Variants in KCNIP4 observed in about 807,000 individuals in gnomAD.
KCNIP4 encodes potassium voltage-gated channel interacting protein 4.
A neutral mutation model predicts 34.0 loss-of-function variants in KCNIP4; 12 were observed. The ratio of observed to expected loss-of-function variants is 0.35; its 90% confidence interval spans 0.23 to 0.57. The LOEUF is 0.57. KCNIP4 is among the 20% of genes least tolerant of loss of function. The pLI is 0.83. For missense variants in KCNIP4, 238 were observed against 311.7 expected (o/e 0.76, Z 1.78); for synonymous variants, 124 against 102.2 (o/e 1.21, Z -1.29).
chr4:21,111,086 A>G (rs1237092894), intron 1 of KCNIP4, among the ~76,000 whole-genome samples: 1 of 152,200 alleles, frequency 6.6e-6, no homozygotes, highest in Admixed American at 6.5e-5. Flanking sequence ...TTTCCTTTGA[A>G]AAGAGGTCTG....
chr4:21,570,924 G>A (rs1018446153), intron 1 of KCNIP4, among the ~76,000 whole-genome samples: 2 of 152,124 alleles, frequency 1.3e-5, no homozygotes, highest in Non-Finnish European at 2.9e-5. Context: ...ACATCTTTTG[G>A]TCAAAGTCAT....
At chr4:21,605,891 G>C (rs1042210954) in intron 1 of KCNIP4, among the ~76,000 whole-genome samples, 20 of 152,150 alleles carry the variant, frequency 1.3e-4, no homozygotes, top group African/African-American at 4.8e-4. Flanking sequence ...GGAGTTAGTG[G>C]CTCTGAGTAG....
chr4:21,516,252 T>G (rs1734749117), intron 1 of KCNIP4, among the ~76,000 whole-genome samples: 1 of 152,182 alleles, frequency 6.6e-6, no homozygotes, highest in African/African-American at 2.4e-5. Flanking sequence ...AATACTTGTA[T>G]CTCATGTATA....
At chr4:21,142,431 A>G (rs1029007931) in intron 1 of KCNIP4, among the ~76,000 whole-genome samples, 1 of 152,164 alleles carries the variant, frequency 6.6e-6, no homozygotes, top group African/African-American at 2.4e-5. Context: ...CAGAACTTTT[A>G]TACTCCTGGA....
intron 3 of KCNIP4, among the ~76,000 whole-genome samples, chr4:20,830,032 C>T (rs547682555): frequency 6.6e-6 from 1 of 152,270 alleles, no homozygotes; most frequent in South Asian, 2.1e-4. Context: ...ATCCTCCCTC[C>T]CTCAGTTCTC....
chr4:21,760,365 A>G (rs1717961975), intron 1 of KCNIP4, among the ~76,000 whole-genome samples: 1 of 152,158 alleles, frequency 6.6e-6, no homozygotes, highest in African/African-American at 2.4e-5. Context: ...AAAACGCCCA[A>G]TCCCACGCCT....
intron 1 of KCNIP4, among the ~76,000 whole-genome samples, chr4:21,775,071 C>G (rs1719081759): frequency 6.6e-6 from 1 of 152,142 alleles, no homozygotes; most frequent in Non-Finnish European, 1.5e-5. Flanking sequence ...GATTATTTCT[C>G]ATCTTTGTGA....
chr4:21,255,911 A>C (rs1165184995), intron 1 of KCNIP4, among the ~76,000 whole-genome samples: 1 of 152,166 alleles, frequency 6.6e-6, no homozygotes, highest in African/African-American at 2.4e-5. Flanking sequence ...AGTGCCTATA[A>C]TATGTCAAGC....
chr4:21,685,051 T>C (rs1750702583), intron 1 of KCNIP4, among the ~76,000 whole-genome samples: 1 of 152,180 alleles, frequency 6.6e-6, no homozygotes, highest in Non-Finnish European at 1.5e-5. Flanking sequence ...AGGAGAGTAA[T>C]AAAGCATAAT....
chr4:21,827,687 C>T (rs1722752147), intron 1 of KCNIP4, among the ~76,000 whole-genome samples: 1 of 151,814 alleles, frequency 6.6e-6, no homozygotes, highest in Admixed American at 6.6e-5. Flanking sequence ...AATAAGATAA[C>T]AAGCAAATTC....
chr4:20,892,474 A>G (rs1726024206), intron 1 of KCNIP4, among the ~76,000 whole-genome samples: 1 of 151,058 alleles, frequency 6.6e-6, no homozygotes, highest in Admixed American at 6.6e-5. Flanking sequence ...TCTGTCTCTG[A>G]GTTTCTCTGG....
intron 3 of KCNIP4, among the ~76,000 whole-genome samples, chr4:20,768,069 C>T (rs546066788): frequency 4.6e-5 from 7 of 152,276 alleles, no homozygotes; most frequent in Non-Finnish European, 8.8e-5. Context: ...ATTTAAATGA[C>T]ACAATCCTAC....
chr4:21,817,100 T>G (rs1485227537), intron 1 of KCNIP4, among the ~76,000 whole-genome samples: 1 of 152,108 alleles, frequency 6.6e-6, no homozygotes, highest in Non-Finnish European at 1.5e-5. Context: ...CTTATTATCT[T>G]CATTCCAATT....
At chr4:21,158,742 T>G (rs1002200636) in intron 1 of KCNIP4, among the ~76,000 whole-genome samples, 2 of 152,160 alleles carry the variant, frequency 1.3e-5, no homozygotes, top group South Asian at 4.1e-4. Context: ...TGAGAAGTTA[T>G]CTACTCTTAC....
chr4:20,956,591 A>T (rs1733331453), intron 1 of KCNIP4, among the ~76,000 whole-genome samples: 1 of 152,236 alleles, frequency 6.6e-6, no homozygotes, highest in South Asian at 2.1e-4. Context: ...GGTGATGTTC[A>T]AAAATGTACT....
rs12649419 is a variant in KCNIP4, at chr4:20,729,875, C to A, written c.*207G>T. 1,119 of 476,248 alleles carry A rather than the reference C, an allele frequency of 2.3e-3. 29 individuals are homozygous for A. The South Asian group carries it at 0.033, about 14-fold the overall frequency. 29.5% of individuals were successfully genotyped at this position (476,248 alleles called of 1,614,324 possible). A position where few individuals can be genotyped will look rare whatever the true frequency, so the allele number is the denominator to read the frequency against. ...AGTATGAAATGAGTTAGACCATCCC[C>A]TGAACTCAGTGGCATTATGAAAAGG... On this transcript the variant is annotated 3_prime_UTR_variant, in exon 9 of 9. Transcript: ENST00000382152.
intron 1 of KCNIP4, among the ~76,000 whole-genome samples, chr4:21,088,690 A>G (rs1273249496): frequency 1.3e-5 from 2 of 152,030 alleles, no homozygotes; most frequent in African/African-American, 2.4e-5. Flanking sequence ...CCTTCTTCCT[A>G]TTAACTCCTC....
chr4:20,821,003 G>A (rs1717038612), intron 3 of KCNIP4, among the ~76,000 whole-genome samples: 1 of 152,174 alleles, frequency 6.6e-6, no homozygotes, highest in African/African-American at 2.4e-5. Context: ...GCCTTGGAGA[G>A]CCTCATAGCC....
chr4:20,864,090 G>C (rs1019019228), intron 2 of KCNIP4, among the ~76,000 whole-genome samples: 37 of 139,436 alleles, frequency 2.7e-4, no homozygotes, highest in Middle Eastern at 4.1e-3. Flanking sequence ...GTATGTATAT[G>C]CATGTATACG....
Sources: gnomAD v4.1 joint callset for allele counts (sites outside exome capture counted in the v4.1 genomes callset) on GRCh38, gnomAD v4.1.1 for gene constraint, MANE v1.5 for transcripts, NCBI Gene and HGNC (gene_info 2026-07-23, HGNC 2026-07-21) for gene names.